The following MAEA variants were observed in gnomAD, a reference collection of about 807,000 sequenced individuals.
MAEA encodes macrophage erythroblast attacher, E3 ubiquitin ligase.
In MAEA, 22 loss-of-function variants were observed where a neutral mutation model predicts 46.2. The ratio of observed to expected loss-of-function variants is 0.48; its 90% CI spans 0.34 to 0.68. MAEA has a LOEUF of 0.68. Among genes scored for constraint, MAEA ranks in the 30% least tolerant of loss-of-function variants. MAEA has a pLI of 0.01. For missense variants in MAEA, 393 were observed against 558.1 expected (o/e 0.70, Z 2.98); for synonymous variants, 246 against 222.6 (o/e 1.11, Z -0.94).
chr4:1,308,668 C>T (rs1017199500), intron 1 of MAEA, among the ~76,000 whole-genome samples: 3 of 152,228 alleles, frequency 2.0e-5, no homozygotes, highest in African/African-American at 4.8e-5. Flanking sequence ...AGTGGTTGGT[C>T]GTGTGGAGCA....
At chr4:1,297,983 GC>G (rs1379263279) in intron 1 of MAEA, 1 of 455,992 alleles carries the variant, frequency 2.2e-6, no homozygotes, top group Non-Finnish European at 4.4e-6. Context: ...ACCCCGCTGT[GC>G]AAGGCCCCTG....
intron 3 of MAEA, 107 bp downstream of exon 3, chr4:1,315,707 T>G: frequency 1.1e-6 from 1 of 928,168 alleles, no homozygotes; most frequent in Non-Finnish European, 1.6e-6. Context: ...CATGCTTGTG[T>G]TCCCCTCCCC....
intron 1 of MAEA, among the ~76,000 whole-genome samples, chr4:1,292,333 A>G (rs1029417306): frequency 6.6e-6 from 1 of 152,138 alleles, no homozygotes; most frequent in Admixed American, 6.5e-5. Flanking sequence ...CAGCAGTAAC[A>G]CTTGGGATGT....
At position 1,322,639 on chromosome 4, in the gene MAEA, G is replaced by GT. The variant is rs1738276004; in HGVS notation, c.579+143dup. On this transcript the variant is annotated intron_variant, in intron 4 of 8. Transcript: ENST00000303400. The stretch of plus-strand genomic sequence containing the variant: ...TGTAAGGTGGGGGTTGGGTTTGGGA[G>GT]TTTTTTTGGTGGCTGTGTTACACTT... 13 of 1,138,672 alleles carry GT rather than the reference G, an allele frequency of 1.1e-5. No individual in the cohort carries two copies. In the East Asian group the frequency reaches 1.7e-4, roughly 15 times the overall value. The allele number at this position is 1,138,672 out of a possible 1,614,324, so 70.5% of individuals were successfully genotyped here. A position where few individuals can be genotyped will look rare whatever the true frequency, so the allele number is the denominator to read the frequency against.
At chr4:1,334,771 A>C in intron 6 of MAEA, 1 of 633,464 alleles carries the variant, frequency 1.6e-6, no homozygotes, top group Non-Finnish European at 2.0e-6. Flanking sequence ...TGTTCAGAGA[A>C]TGGCAGAAGC....
In MAEA at chr4:1,294,140, T is replaced by G. The variant is rs78233882; in HGVS notation, c.69+4158T>G. The stretch of plus-strand genomic sequence containing the variant: ...GCAGTAACGTCACAGCCCTCCAGAA[T>G]CCGCCCGGTCTCTAGAGCACAGTGG... On this transcript the variant is annotated intron_variant, in intron 1 of 8. Coordinates refer to ENST00000303400, the MANE Select transcript of MAEA (RefSeq NM_001017405.3). Among the ~76,000 whole-genome samples the G allele has an allele frequency of 5.9e-3, 899 of 152,326 alleles. 9 individuals are homozygous for G. The highest frequency in any genetic ancestry group is 0.021 in the African/African-American group (857 of 41,572).
chr4:1,322,638 A>C, intron 4 of MAEA, 135 bp downstream of exon 4: 1 of 1,186,514 alleles, frequency 8.4e-7, no homozygotes, highest in Non-Finnish European at 1.2e-6. Flanking sequence ...TGGGTTTGGG[A>C]GTTTTTTTGG....
Position 1,311,294 on chromosome 4 carries a change from C to T in MAEA, c.70-685C>T, listed in dbSNP as rs758653614. Among the ~76,000 whole-genome samples the T allele has an allele frequency of 1.3e-5, 2 of 152,248 alleles. No individual in the cohort carries two copies. The highest frequency in any genetic ancestry group is 4.8e-5 in the African/African-American group (2 of 41,454). On this transcript the variant is annotated intron_variant, in intron 1 of 8. Coordinates refer to ENST00000303400, the MANE Select transcript of MAEA (RefSeq NM_001017405.3). The surrounding 1 kb of genome is among the most constrained non-coding windows in gnomAD (Gnocchi z 4.4). Reference sequence around the variant, plus strand: ...GCGCTGGGGCGTGATTCTGTCGTGCCGCTTTCAAACCGTAGAGCACAGGAA... The same window carrying T: ...GCGCTGGGGCGTGATTCTGTCGTGCTGCTTTCAAACCGTAGAGCACAGGAA...
chr4:1,330,310 T>TCTCTCTC (rs1711523725), intron 5 of MAEA: 2 of 130,290 alleles, frequency 1.5e-5, no homozygotes, highest in African/African-American at 3.8e-5. Flanking sequence ...TTCTGGGTGT[T>TCTCTCTC]TCTCTCTCTC....
intron 5 of MAEA, chr4:1,329,214 A>G (rs1271176971): frequency 4.1e-6 from 4 of 985,498 alleles, no homozygotes; most frequent in South Asian, 4.7e-5. Flanking sequence ...CCCACTCCGC[A>G]TAGGGTCTAT....
At chr4:1,304,818 A>G (rs1192949892) in intron 1 of MAEA, among the ~76,000 whole-genome samples, 1 of 152,194 alleles carries the variant, frequency 6.6e-6, no homozygotes. Context: ...AACACATTTC[A>G]TGTGTTTCTT....
intron 1 of MAEA, among the ~76,000 whole-genome samples, chr4:1,297,539 G>A (rs954711972): frequency 1.3e-5 from 2 of 151,316 alleles, no homozygotes; most frequent in African/African-American, 4.9e-5. Context: ...ATAAAATTAG[G>A]ATGTGGTTCC....
At chr4:1,329,759 G>T (rs1054530124) in intron 5 of MAEA, 2 of 985,656 alleles carry the variant, frequency 2.0e-6, no homozygotes, top group Admixed American at 6.1e-5. Flanking sequence ...CGGGTGTTTG[G>T]CTGGGAGCCC....
In MAEA at chr4:1,323,640, C is replaced by T. The variant is rs1247284453; in HGVS notation, c.579+1137C>T. 3 of 702,248 alleles carry T rather than the reference C, an allele frequency of 4.3e-6. No individual in the cohort carries two copies. In the East Asian group the frequency reaches 8.0e-5, roughly 19 times the overall value. The allele number at this position is 702,248 out of a possible 1,614,324, so 43.5% of individuals were successfully genotyped here. ...AACCTGCGGCCCCACTACACAGTGC[C>T]AGCCCCACACTCCCTCCCAGAGAGC... On this transcript the variant is annotated intron_variant, in intron 4 of 8. Transcript: ENST00000303400.
In MAEA at chr4:1,318,480, G is replaced by A. The variant is rs188858333; in HGVS notation, c.456+2880G>A. ...GCAGGGTGAGACGGGCTACACTCAA[G>A]GTGTTGGGGTGCCCTGAGCATGTCT... On this transcript the variant is annotated intron_variant, in intron 3 of 8. Coordinates refer to ENST00000303400, the MANE Select transcript of MAEA (RefSeq NM_001017405.3). 2.1e-3 allele frequency among the ~76,000 whole-genome samples: 315 copies of A among 152,362 alleles called. 1 individual carries two copies. The highest frequency in any genetic ancestry group is 4.8e-3 in the African/African-American group (199 of 41,584).
intron 1 of MAEA, chr4:1,309,911 G>T: frequency 7.8e-7 from 1 of 1,286,222 alleles, no homozygotes; most frequent in Non-Finnish European, 9.9e-7. Context: ...AGTCCAGAAA[G>T]GCCCCGTTCC....
At chr4:1,321,948 G>A (rs1738181903) in intron 3 of MAEA, among the ~76,000 whole-genome samples, 1 of 148,522 alleles carries the variant, frequency 6.7e-6, no homozygotes, top group Admixed American at 6.8e-5. Flanking sequence ...ATGTGTTTAT[G>A]TATTATTTAG....
rs1351257778 is a variant in MAEA at position 1,338,560 on chromosome 4, G to A, written c.1038G>A (p.Val346=). ...SRLVCKISGD[V]MNENNPPMML... ...TGGTCTGCAAGATTTCTGGCGACGT[G>A]ATGAACGAGAACAATCCGCCCATGA... Residue 346 remains valine, a synonymous_variant, in exon 8 of 9, where the codon GTG becomes GTA. Transcript: ENST00000303400. 4 of 1,613,140 alleles carry A rather than the reference G, an allele frequency of 2.5e-6. No individual in the cohort carries two copies. The highest frequency in any genetic ancestry group is 1.3e-5 in the African/African-American group (1 of 74,960).
chr4:1,329,770 A>T, intron 5 of MAEA: 1 of 985,514 alleles, frequency 1.0e-6, no homozygotes, highest in Non-Finnish European at 1.2e-6. Context: ...CTGGGAGCCC[A>T]GAGGGTGTTG....
Sources: gnomAD v4.1 joint callset for allele counts (sites outside exome capture counted in the v4.1 genomes callset) on GRCh38, gnomAD v4.1.1 for gene constraint, Gnocchi (gnomAD v3.1) non-coding constraint, MANE v1.5 for transcripts, NCBI Gene and HGNC (gene_info 2026-07-23, HGNC 2026-07-21) for gene names.